The following ACAA2 variants were observed in gnomAD, a reference collection of about 807,000 sequenced individuals.
ACAA2 encodes 3-ketoacyl-CoA thiolase, mitochondrial.
Under a neutral mutation model 44.8 loss-of-function variants are expected in ACAA2, and 35 were observed. The ratio of observed to expected loss-of-function variants is 0.78; its 90% CI spans 0.60 to 1.04. The LOEUF (loss-of-function observed/expected upper bound fraction) is 1.04, where lower values mean the gene tolerates loss of function less well. ACAA2 is among the 50% of genes least tolerant of loss of function. The probability of loss-of-function intolerance (pLI) is 0.00; values close to 1 mark genes in which losing one functional copy is unlikely to be tolerated. For synonymous variants in ACAA2, 142 were observed against 166.5 expected (o/e 0.85, Z 1.13); for missense variants, 468 against 482.6 (o/e 0.97, Z 0.28).
At position 49,800,504 on chromosome 18, in the gene ACAA2, G is replaced by A. The variant is rs1598799274; in HGVS notation, c.183+2183C>T. Among the ~76,000 whole-genome samples the A allele has an allele frequency of 3.9e-5, 6 of 152,316 alleles. 1 individual carries two copies. Among genetic ancestry groups the A allele is most frequent in the African/African-American group, 1.4e-4 (6 of 41,572 alleles). ...GAGAAATCGGATGGTTGCCGTGTCT[G>A]TGTGGAAAGAAGTAGACATGGGAGA... On this transcript the variant is annotated intron_variant, in intron 2 of 9. Coordinates refer to ENST00000285093, the MANE Select transcript of ACAA2 (RefSeq NM_006111.3).
chr18:49,799,819 TGCCCGGCCGCCC>T (rs2023514274), intron 2 of ACAA2, among the ~76,000 whole-genome samples: 1 of 144,044 alleles, frequency 6.9e-6, no homozygotes, highest in Admixed American at 6.9e-5. Flanking sequence ...GGAGCGTCTC[TGCCCGGCCGCCC>T]ATCATCTGGG....
In ACAA2 at chr18:49,797,764, C is replaced by T. The variant is rs543919316; in HGVS notation, c.184-170G>A. Among the ~76,000 whole-genome samples, 8 of 152,158 alleles carry T rather than the reference C, an allele frequency of 5.3e-5. No homozygotes were observed. In the East Asian group the frequency reaches 1.5e-3, roughly 29 times the overall value. ...GCATATTATATCTAATATGTGTTTA[C>T]AATTTGAATAAAAACTACAGTCAAT... On this transcript the variant is annotated intron_variant, in intron 2 of 9. Transcript: ENST00000285093.
In ACAA2 at chr18:49,804,190, C is replaced by T. The variant is rs112731131; in HGVS notation, c.17-1337G>A. On this transcript the variant is annotated intron_variant, in intron 1 of 9. Transcript: ENST00000285093. Reference sequence around the variant, plus strand: ...CCTCCCAAAGTGCTAGAATTACAGGCGTGAGTCACCCACTCCCGGCCCCAA... The same window carrying T: ...CCTCCCAAAGTGCTAGAATTACAGGTGTGAGTCACCCACTCCCGGCCCCAA... 4.8e-3 allele frequency among the ~76,000 whole-genome samples: 729 copies of T among 152,190 alleles called. 5 individuals are homozygous for T. Among genetic ancestry groups the T allele is most frequent in the African/African-American group, 0.016 (644 of 41,544 alleles).
Position 49,813,529 on chromosome 18 carries a change from A to T in ACAA2, c.-45T>A. On this transcript the variant is annotated 5_prime_UTR_variant, in exon 1 of 10. Coordinates refer to ENST00000285093, the MANE Select transcript of ACAA2 (RefSeq NM_006111.3). ...GCGGCGCGGGTCTGTGGTGTGGGGG[A>T]CGCTGAGCGGCCGCTCGCAATCACC... The T allele has an allele frequency of 8.1e-7, 1 of 1,236,866 alleles. No individual in the cohort carries two copies. Among genetic ancestry groups the T allele is most frequent in the South Asian group, 4.1e-5 (1 of 24,278 alleles). The allele number at this position is 1,236,866 out of a possible 1,614,324, so 76.6% of individuals were successfully genotyped here.
chr18:49,794,458 TAAGG>T (rs1169831109), intron 4 of ACAA2, 31 bp from the exon 5 acceptor site: 1 of 1,484,960 alleles, frequency 6.7e-7, no homozygotes, highest in Non-Finnish European at 8.9e-7. Flanking sequence ...AGTGACTTGT[TAAGG>T]CATTTCCTTT....
intron 9 of ACAA2, 78 bp downstream of exon 9, chr18:49,785,119 A>G: frequency 6.6e-7 from 1 of 1,504,160 alleles, no homozygotes; most frequent in Non-Finnish European, 9.0e-7. Flanking sequence ...AAAATGTTGG[A>G]GTGTTCTGGG....
At chr18:49,800,372 G>A (rs181803763) in intron 2 of ACAA2, among the ~76,000 whole-genome samples, 2,429 of 152,020 alleles carry the variant, frequency 0.016, 73 homozygotes, top group African/African-American at 0.051. Flanking sequence ...CCCTCTGCCC[G>A]GCCACCACCC....
rs1407407424 is a variant in ACAA2 at position 49,783,365 on chromosome 18, A to ATGTT, written c.*478_*481dup. 2.0e-5 allele frequency: 3 copies of ATGTT among 152,454 alleles called. No individual in the cohort carries two copies. Among genetic ancestry groups the ATGTT allele is most frequent in the African/African-American group, 7.2e-5 (3 of 41,416 alleles). 9.4% of individuals were successfully genotyped at this position (152,454 alleles called of 1,614,324 possible). A position where few individuals can be genotyped will look rare whatever the true frequency, so the allele number is the denominator to read the frequency against. The stretch of plus-strand genomic sequence containing the variant: ...AAAGTTCTGTTGATAAAAAGTGGGG[A>ATGTT]TGTTTGTATAAAAATGTGAATGTAC... On this transcript the variant is annotated 3_prime_UTR_variant, in exon 10 of 10. Coordinates refer to ENST00000285093, the MANE Select transcript of ACAA2 (RefSeq NM_006111.3).
chr18:49,791,373 G>A, intron 7 of ACAA2, 97 bp downstream of exon 7: 1 of 1,121,978 alleles, frequency 8.9e-7, no homozygotes, highest in South Asian at 1.5e-5. Context: ...TTCTCTACAG[G>A]TGACCTTGGT....
chr18:49,801,524 T>A (rs1049038016), intron 2 of ACAA2, among the ~76,000 whole-genome samples: 1 of 151,990 alleles, frequency 6.6e-6, no homozygotes, highest in African/African-American at 2.4e-5. Flanking sequence ...AAAGACAATA[T>A]TGAGAATTCT....
chr18:49,798,123 C>T (rs1335552718), intron 2 of ACAA2, among the ~76,000 whole-genome samples: 1 of 152,204 alleles, frequency 6.6e-6, no homozygotes, highest in Non-Finnish European at 1.5e-5. Flanking sequence ...GCTTTATTAA[C>T]ATACTCATGC....
intron 2 of ACAA2, among the ~76,000 whole-genome samples, chr18:49,799,414 GC>G: frequency 1.8e-5 from 2 of 108,994 alleles, no homozygotes; most frequent in African/African-American, 7.0e-5. Context: ...ACGGGGTTTC[GC>G]TGTGTTGGCC....
At chr18:49,800,088 G>A (rs1399522764) in intron 2 of ACAA2, among the ~76,000 whole-genome samples, 1 of 149,908 alleles carries the variant, frequency 6.7e-6, no homozygotes, top group African/African-American at 2.5e-5. Context: ...GGAGGTGGGG[G>A]TCAGCCCCCA....
intron 1 of ACAA2, among the ~76,000 whole-genome samples, chr18:49,809,040 T>C (rs2023640139): frequency 6.6e-6 from 1 of 152,154 alleles, no homozygotes; most frequent in South Asian, 2.1e-4. Context: ...AGGAATACAA[T>C]TCTTTTCCTA....
Position 49,787,275 on chromosome 18 carries a change from A to G in ACAA2, c.954+16T>C. ...TTCATGTTGTTAAAAAAAAAAAAAA[A>G]AAAAAAAACACTTACCTCTACCAAA... is the stretch of plus-strand genomic sequence containing the variant. On this transcript the variant is annotated intron_variant, in intron 8 of 9. Coordinates refer to ENST00000285093, the MANE Select transcript of ACAA2 (RefSeq NM_006111.3). 1 of 1,462,512 alleles carries G rather than the reference A, an allele frequency of 6.8e-7. No individual in the cohort carries two copies. The highest frequency in any genetic ancestry group is 9.0e-7 in the Non-Finnish European group (1 of 1,114,030). 90.6% of individuals were successfully genotyped at this position (1,462,512 alleles called of 1,614,324 possible).
Position 49,785,198 on chromosome 18 carries a change from T to C in ACAA2, c.1108A>G (p.Arg370Gly). ...RITAHLVHEL[R>G]RRGGKYAVGS... ...AATGCAGCTATTTCTAGCAAATACC[T>C]TAATTCGTGAACCAGGTGTGCAGTA... Residue 370 changes from arginine (R) to glycine (G), a missense_variant and splice_region_variant, in exon 9 of 10, where the codon AGG (arginine) becomes GGG (glycine). Arg to Gly is a moderately radical substitution (Grantham distance 125). Coordinates refer to ENST00000285093, the MANE Select transcript of ACAA2 (RefSeq NM_006111.3). 1 of 1,609,670 alleles carries C rather than the reference T, an allele frequency of 6.2e-7. No homozygotes were observed. The highest frequency in any genetic ancestry group is 8.5e-7 in the Non-Finnish European group (1 of 1,178,802).
At chr18:49,809,960 C>G (rs1022829783) in intron 1 of ACAA2, among the ~76,000 whole-genome samples, 7 of 152,074 alleles carry the variant, frequency 4.6e-5, no homozygotes, top group African/African-American at 1.7e-4. Context: ...GGGAAACGGA[C>G]CGGGCAAGGG....
At chr18:49,800,286 C>T (rs2023529475) in intron 2 of ACAA2, among the ~76,000 whole-genome samples, 1 of 149,862 alleles carries the variant, frequency 6.7e-6, no homozygotes, top group Non-Finnish European at 1.5e-5. Context: ...GGGGTCAGCC[C>T]CCCGCCCGGC....
Position 49,783,538 on chromosome 18 carries a change from A to AATCAT in ACAA2, c.*304_*308dup, listed in dbSNP as rs1019342493. The AATCAT allele has an allele frequency of 8.9e-6, 2 of 224,800 alleles. No homozygotes were observed. The highest frequency in any genetic ancestry group is 4.5e-5 in the African/African-American group (2 of 44,628). 13.9% of individuals were successfully genotyped at this position (224,800 alleles called of 1,614,324 possible). Reference sequence around the variant, plus strand: ...GGCAACATTTATTTGATTTCCTTATAATCATATTATCTAAGGCAGAAGTGG... The same window carrying AATCAT: ...GGCAACATTTATTTGATTTCCTTATAATCATATCATATTATCTAAGGCAGAAGTGG... On this transcript the variant is annotated 3_prime_UTR_variant, in exon 10 of 10. Coordinates refer to ENST00000285093, the MANE Select transcript of ACAA2 (RefSeq NM_006111.3).
Sources: allele counts gnomAD v4.1 joint callset (sites outside exome capture counted in the v4.1 genomes callset), GRCh38; gene constraint gnomAD v4.1.1; transcripts MANE v1.5; gene names NCBI Gene and HGNC (gene_info 2026-07-23, HGNC 2026-07-21).